Variants in LILRB1 observed in about 807,000 individuals in gnomAD.
LILRB1 encodes the protein leukocyte immunoglobulin like receptor B1, also known as leukocyte immunoglobulin-like receptor subfamily B member 1.
Under a neutral mutation model 74.6 loss-of-function variants are expected in LILRB1, and 59 were observed. The ratio of observed to expected loss-of-function variants is 0.79; its 90% CI spans 0.64 to 0.98. LILRB1 has a LOEUF of 0.98. LILRB1 is among the 50% of genes least tolerant of loss of function. LILRB1 has a pLI of 0.00. For synonymous variants in LILRB1, 328 were observed against 333.9 expected (o/e 0.98, Z 0.19); for missense variants, 804 against 822.6 (o/e 0.98, Z 0.28).
At chr19:54,618,762 T>C (rs1015880059) in intron 1 of LILRB1, among the ~76,000 whole-genome samples, 2 of 152,226 alleles carry the variant, frequency 1.3e-5, no homozygotes, top group Non-Finnish European at 2.9e-5. Context: ...AATAACTTTA[T>C]ATTTAACCAT....
In LILRB1 at chr19:54,630,567, G is replaced by C. The variant is rs1022236827; in HGVS notation, c.-115G>C. ...GCGAGATGCGTCTCTGCTGATCTGAGTCTGCCTGCAGCATGGACCTGGGTC... is the reference window on the plus strand; with the variant it reads ...GCGAGATGCGTCTCTGCTGATCTGACTCTGCCTGCAGCATGGACCTGGGTC... On this transcript the variant is annotated 5_prime_UTR_variant, in exon 1 of 15. Transcript: ENST00000324602. 1.9e-5 allele frequency: 12 copies of C among 629,808 alleles called. No homozygotes were observed. Among genetic ancestry groups the C allele is most frequent in the Non-Finnish European group, 3.3e-5 (12 of 363,454 alleles). The allele number at this position is 629,808 out of a possible 1,614,324, so 39.0% of individuals were successfully genotyped here.
Position 54,633,321 on chromosome 19 carries a change from G to A in LILRB1, c.1261+3G>A, listed in dbSNP as rs201771338. 1,460 of 1,613,066 alleles carry A rather than the reference G, an allele frequency of 9.1e-4. No individual in the cohort carries two copies. Among genetic ancestry groups the A allele is most frequent in the Non-Finnish European group, 1.2e-3 (1,380 of 1,179,338 alleles). On this transcript the variant is annotated splice_donor_region_variant and intron_variant, in intron 7 of 14. Transcript: ENST00000324602. The stretch of plus-strand genomic sequence containing the variant: ...CCCCCTGGAGCTCGTGGTCTCAGGT[G>A]GGGGCCTTGACCCTGTCCTCTCTGA...
In LILRB1 at chr19:54,633,006, T is replaced by C. The variant is rs2064034254; in HGVS notation, c.959-10T>C. 6.2e-7 allele frequency: 1 copy of C among 1,608,962 alleles called. No homozygotes were observed. Among genetic ancestry groups the C allele is most frequent in the Non-Finnish European group, 8.5e-7 (1 of 1,176,766 alleles). ...TGGGGCAGCCCCTCGCCCATCCTTC[T>C]TCTCTCCAGGACAGTTCTATGACAG... is the stretch of plus-strand genomic sequence containing the variant. On this transcript the variant is annotated splice_polypyrimidine_tract_variant and intron_variant, in intron 6 of 14. Coordinates refer to ENST00000324602, the MANE Select transcript of LILRB1 (RefSeq NM_001081637.3).
At chr19:54,618,925 C>T (rs1207308705) in intron 1 of LILRB1, among the ~76,000 whole-genome samples, 1 of 151,862 alleles carries the variant, frequency 6.6e-6, no homozygotes, top group African/African-American at 2.4e-5. Flanking sequence ...GAATAAATGC[C>T]TATAAACAAA....
chr19:54,636,521 GC>G lies in LILRB1; in HGVS notation c.1682del (p.Ala561GlufsTer2). The G allele has an allele frequency of 6.2e-7, 1 of 1,611,774 alleles. No homozygotes were observed. Among genetic ancestry groups the G allele is most frequent in the South Asian group, 1.1e-5 (1 of 90,976 alleles). On this transcript the variant is annotated frameshift_variant, in exon 14 of 15. Coordinates refer to ENST00000324602, the MANE Select transcript of LILRB1 (RefSeq NM_001081637.3). LOFTEE classifies it high-confidence loss of function. Reference sequence around the variant, plus strand: ...GAGCCCACACGATGAAGACCCCCAGGCAGTGACGTATGCCGAGGTGAAACAC... The same window carrying G: ...GAGCCCACACGATGAAGACCCCCAGGAGTGACGTATGCCGAGGTGAAACAC... ...RQSPHDEDPQ[A>X]VTYAEVKHSR...
At chr19:54,627,613 G>T (rs991814952), upstream of LILRB1, among the ~76,000 whole-genome samples, 33 of 152,324 alleles carry the variant, frequency 2.2e-4, no homozygotes, top group African/African-American at 7.9e-4. Flanking sequence ...GCCCAGCAAC[G>T]GCATCTCCTC....
In LILRB1 at chr19:54,635,582, T is replaced by C; in HGVS notation, c.1626T>C (p.Pro542=). The part of the protein sequence containing the change: ...NLYAAVKHTQ[P]EDGVEMDTRQ... The stretch of plus-strand genomic sequence containing the variant: ...ATGCTGCCGTGAAGCACACACAGCC[T>C]GAGGATGGGGTGGAGATGGACACTC... Residue 542 remains proline, a synonymous_variant, in exon 13 of 15, where the codon CCT becomes CCC. Transcript: ENST00000324602. 1.2e-6 allele frequency: 2 copies of C among 1,613,884 alleles called. No individual in the cohort carries two copies. The highest frequency in any genetic ancestry group is 8.5e-7 in the Non-Finnish European group (1 of 1,179,894).
chr19:54,637,517 C>CA lies in LILRB1; in HGVS notation c.*639_*640insA, dbSNP rs1568613991. ...TCCAGCCTGGCGACAGAGGGAGACTCCATCTCAAATTAAAAAAAAAAAAAA... is the reference window on the plus strand; with the variant it reads ...TCCAGCCTGGCGACAGAGGGAGACTCACATCTCAAATTAAAAAAAAAAAAAA... On this transcript the variant is annotated 3_prime_UTR_variant, in exon 15 of 15. Transcript: ENST00000324602. 2.2e-4 allele frequency: 31 copies of CA among 141,990 alleles called. No individual in the cohort carries two copies. Among genetic ancestry groups the CA allele is most frequent in the African/African-American group, 8.0e-4 (30 of 37,582 alleles). The allele number at this position is 141,990 out of a possible 1,614,324, so 8.8% of individuals were successfully genotyped here. A position where few individuals can be genotyped will look rare whatever the true frequency, so the allele number is the denominator to read the frequency against.
chr19:54,633,300 CT>C lies in LILRB1; in HGVS notation c.1244del (p.Leu415ArgfsTer49), dbSNP rs2064082138. 6.2e-7 allele frequency: 1 copy of C among 1,613,976 alleles called. No homozygotes were observed. Among genetic ancestry groups the C allele is most frequent in the Non-Finnish European group, 8.5e-7 (1 of 1,179,876 alleles). ...CCTGCTGACTCACCCCAGTGACCCCCTGGAGCTCGTGGTCTCAGGTGGGGGC... is the reference window on the plus strand; with the variant it reads ...CCTGCTGACTCACCCCAGTGACCCCCGGAGCTCGTGGTCTCAGGTGGGGGC... ...PYLLTHPSDP[L>X]ELVVSGPSGG... On this transcript the variant is annotated frameshift_variant, in exon 7 of 15. Transcript: ENST00000324602. LOFTEE classifies it high-confidence loss of function.
chr19:54,624,558 C>T (rs1473356618), intron 1 of LILRB1, among the ~76,000 whole-genome samples: 2 of 151,988 alleles, frequency 1.3e-5, no homozygotes, highest in Non-Finnish European at 2.9e-5. Flanking sequence ...GGAGAGTGGA[C>T]GTCAGTTGTG....
chr19:54,617,091 A>G (rs1002117065), upstream of LILRB1: 1 of 152,318 alleles, frequency 6.6e-6, no homozygotes, highest in African/African-American at 2.4e-5. Context: ...CCCACCCACA[A>G]CCAGCACACT....
At chr19:54,619,507 T>G (rs2063399267) in intron 1 of LILRB1, among the ~76,000 whole-genome samples, 1 of 152,182 alleles carries the variant, frequency 6.6e-6, no homozygotes, top group South Asian at 2.1e-4. Flanking sequence ...AAGTTTTTAA[T>G]TTTTAAATTC....
At chr19:54,617,338 A>G (rs1056733594) in exon 1 of LILRB1, 4 of 152,282 alleles carry the variant, frequency 2.6e-5, no homozygotes, top group African/African-American at 9.6e-5. Context: ...CTTTGTGCAC[A>G]TTTACATCAA....
intron 7 of LILRB1, 137 bp from the exon 8 acceptor site, chr19:54,633,501 G>A (rs991998468): frequency 1.5e-5 from 18 of 1,191,354 alleles, no homozygotes; most frequent in Middle Eastern, 2.1e-4. Flanking sequence ...CAGTGGCATC[G>A]CCAGCATCAT....
In LILRB1 at chr19:54,633,283, C is replaced by T. The variant is rs1373391000; in HGVS notation, c.1226C>T (p.Thr409Ile). 1 of 1,614,156 alleles carries T rather than the reference C, an allele frequency of 6.2e-7. No homozygotes were observed. Among genetic ancestry groups the T allele is most frequent in the East Asian group, 2.2e-5 (1 of 44,876 alleles). ...GSQSSKPYLLTHPSDPLELVV... is the reference protein window; with the variant it reads ...GSQSSKPYLLIHPSDPLELVV... Reference sequence around the variant, plus strand: ...CAGAGCTCCAAACCCTACCTGCTGACTCACCCCAGTGACCCCCTGGAGCTC... The same window carrying T: ...CAGAGCTCCAAACCCTACCTGCTGATTCACCCCAGTGACCCCCTGGAGCTC... The change falls in exon 7 of 15, where the codon ACT becomes ATT. Residue 409 changes from threonine to isoleucine, a missense_variant. Physicochemically the swap from Thr to Ile is moderately conservative, Grantham distance 89. Transcript: ENST00000324602.
chr19:54,623,811 G>A (rs1284366899), intron 1 of LILRB1, among the ~76,000 whole-genome samples: 13 of 152,124 alleles, frequency 8.5e-5, no homozygotes, highest in Admixed American at 2.0e-4. Context: ...TACTCTCTTC[G>A]AATTTATTTT....
intron 1 of LILRB1, among the ~76,000 whole-genome samples, chr19:54,619,081 C>CT (rs981252532): frequency 5.9e-5 from 9 of 151,688 alleles, no homozygotes; most frequent in African/African-American, 2.2e-4. Flanking sequence ...TAATTCAAAG[C>CT]TTTTTTAAAA....
At position 54,631,937 on chromosome 19, in the gene LILRB1, G is replaced by C. The variant is rs376585715; in HGVS notation, c.361G>C (p.Ala121Pro). 10 of 1,612,362 alleles carry C rather than the reference G, an allele frequency of 6.2e-6. No homozygotes were observed. The African/African-American group carries it at 1.2e-4, about 19-fold the overall frequency. Reference protein sequence around the residue: ...SDPLELVVTGAYIKPTLSAQP... With the variant: ...SDPLELVVTGPYIKPTLSAQP... ...CACGGTGCCTCCTTCTCTCCTAGGA[G>C]CCTACATCAAACCCACCCTCTCAGC... The change falls in exon 5 of 15, where the codon GCC becomes CCC. Residue 121 changes from alanine to proline, a missense_variant and splice_region_variant. Coordinates refer to ENST00000324602, the MANE Select transcript of LILRB1 (RefSeq NM_001081637.3).
At chr19:54,634,619 C>T (rs10414578) in intron 9 of LILRB1, 22 bp from the exon 10 acceptor site, 172,375 of 1,553,848 alleles carry the variant, frequency 0.11, 14,500 homozygotes, top group African/African-American at 0.39. Flanking sequence ...TCACCCCCAT[C>T]CCTGACATCA....
Sources: allele counts gnomAD v4.1 joint callset (sites outside exome capture counted in the v4.1 genomes callset), GRCh38; gene constraint gnomAD v4.1.1; transcripts MANE v1.5; gene names NCBI Gene and HGNC (gene_info 2026-07-23, HGNC 2026-07-21).